The following AKR1A1 variants were observed in gnomAD, a reference collection of about 807,000 sequenced individuals.
AKR1A1 encodes the protein HEL-S-165mP.
AKR1A1 carries 26 observed loss-of-function variants against 39.2 expected under a neutral mutation model. The observed-to-expected ratio is 0.66, with a 90% CI of 0.49 to 0.92. The LOEUF is 0.92. AKR1A1 is among the 40% of genes least tolerant of loss of function. The pLI, the probability that AKR1A1 is intolerant of heterozygous loss-of-function variation, is 0.00. For missense variants in AKR1A1, 378 were observed against 406.5 expected (o/e 0.93, Z 0.60); for synonymous variants, 141 against 155.5 (o/e 0.91, Z 0.69).
chr1:45,555,468 C>G (rs975952846), intron 1 of AKR1A1, among the ~76,000 whole-genome samples: 2 of 150,162 alleles, frequency 1.3e-5, no homozygotes, highest in Admixed American at 1.3e-4. Flanking sequence ...GCCTGGGCAA[C>G]AAGAGTGAAA....
chr1:45,567,930 G>A, intron 4 of AKR1A1, 52 bp from the exon 5 acceptor site: 2 of 1,521,804 alleles, frequency 1.3e-6, no homozygotes, highest in Non-Finnish European at 1.8e-6. Flanking sequence ...GGGCAGGTAG[G>A]GTAGAAGCCT....
Position 45,568,579 on chromosome 1 carries a change from C to T in AKR1A1, c.647C>T (p.Ser216Phe), listed in dbSNP as rs1307688877. The T allele has an allele frequency of 3.1e-6, 5 of 1,613,988 alleles. No homozygotes were observed. Among genetic ancestry groups the T allele is most frequent in the Non-Finnish European group, 4.2e-6 (5 of 1,179,956 alleles). Reference protein sequence around the residue: ...EVTAYSPLGSSDRAWRDPDEP... With the variant: ...EVTAYSPLGSFDRAWRDPDEP... ...ACTGCTTATAGCCCTTTGGGCTCCTCTGATCGTGCATGGCGTGATCCTGAT... is the reference window on the plus strand; with the variant it reads ...ACTGCTTATAGCCCTTTGGGCTCCTTTGATCGTGCATGGCGTGATCCTGAT... The change falls in exon 6 of 9, where the codon TCT becomes TTT. Residue 216 changes from serine (S) to phenylalanine (F), a missense_variant. Coordinates refer to ENST00000351829, the MANE Select transcript of AKR1A1 (RefSeq NM_153326.3).
chr1:45,554,670 C>T (rs1181059836), intron 1 of AKR1A1, among the ~76,000 whole-genome samples: 2 of 152,164 alleles, frequency 1.3e-5, no homozygotes, highest in Non-Finnish European at 2.9e-5. Flanking sequence ...CAAGGAACTA[C>T]AAATACTTTC....
chr1:45,557,448 C>T (rs1205529174), intron 1 of AKR1A1, among the ~76,000 whole-genome samples: 1 of 152,108 alleles, frequency 6.6e-6, no homozygotes, highest in Non-Finnish European at 1.5e-5. Flanking sequence ...ATCTTTCATC[C>T]CTGTTCCCCA....
In AKR1A1 at chr1:45,566,947, C is replaced by G. The variant is rs759177145; in HGVS notation, c.283C>G (p.Leu95Val). 1 of 1,614,236 alleles carries G rather than the reference C, an allele frequency of 6.2e-7. No individual in the cohort carries two copies. The highest frequency in any genetic ancestry group is 8.5e-7 in the Non-Finnish European group (1 of 1,180,050). The stretch of plus-strand genomic sequence containing the variant: ...CCACCCCGAGGATGTGGAGCCTGCC[C>G]TCCGGAAGACTCTGGCTGACCTCCA... ...KHHPEDVEPA[L>V]RKTLADLQLE... Residue 95 changes from leucine (L) to valine (V), a missense_variant, in exon 4 of 9, where the codon CTC (leucine) becomes GTC (valine). By Grantham distance (32) the Leu-to-Val change is conservative. Transcript: ENST00000351829.
At chr1:45,560,877 G>A (rs552324879) in intron 1 of AKR1A1, among the ~76,000 whole-genome samples, 5 of 152,002 alleles carry the variant, frequency 3.3e-5, no homozygotes, top group African/African-American at 4.8e-5. Flanking sequence ...ACAGGCACCC[G>A]CCACCACGCC....
Position 45,568,701 on chromosome 1 carries a change from G to T in AKR1A1, c.752+17G>T. 1 of 1,612,820 alleles carries T rather than the reference G, an allele frequency of 6.2e-7. No individual in the cohort carries two copies. The highest frequency in any genetic ancestry group is 1.1e-5 in the South Asian group (1 of 90,974). ...CTTGCTCAGGTATGGGGCAGTCTTA[G>T]GGAGAGGGCCCTGGGTTGGGAGGCA... On this transcript the variant is annotated intron_variant, in intron 6 of 8. Coordinates refer to ENST00000351829, the MANE Select transcript of AKR1A1 (RefSeq NM_153326.3).
chr1:45,565,838 C>T (rs991849106), intron 2 of AKR1A1, among the ~76,000 whole-genome samples: 3 of 150,982 alleles, frequency 2.0e-5, no homozygotes, highest in Non-Finnish European at 2.9e-5. Flanking sequence ...TGGTCTTGAA[C>T]TTCTGCCTTC....
chr1:45,569,891 G>A lies in AKR1A1; in HGVS notation c.913G>A (p.Val305Met), dbSNP rs772930110. 6.2e-7 allele frequency: 1 copy of A among 1,613,414 alleles called. No individual in the cohort carries two copies. The highest frequency in any genetic ancestry group is 8.5e-7 in the Non-Finnish European group (1 of 1,179,388). Residue 305 changes from valine to methionine, a missense_variant and splice_region_variant, in exon 9 of 9, where the codon GTG becomes ATG. By Grantham distance (21) the Val-to-Met change is conservative. Coordinates refer to ENST00000351829, the MANE Select transcript of AKR1A1 (RefSeq NM_153326.3). ...NWRYIVPMLTVDGKRVPRDAG... is the reference protein window; with the variant it reads ...NWRYIVPMLTMDGKRVPRDAG... ...GTAATCTATCTGTCTCTCTTTCCAG[G>A]TGGATGGGAAGAGAGTCCCAAGGGA...
chr1:45,566,331 C>G (rs891046405), intron 2 of AKR1A1, among the ~76,000 whole-genome samples: 1 of 151,930 alleles, frequency 6.6e-6, no homozygotes, highest in Admixed American at 6.6e-5. Context: ...TGACCTCCAG[C>G]TGGCCAGGCT....
intron 1 of AKR1A1, among the ~76,000 whole-genome samples, chr1:45,552,022 G>GT (rs1644137519): frequency 2.2e-5 from 3 of 135,244 alleles, no homozygotes; most frequent in Non-Finnish European, 4.9e-5. Context: ...TGTATGTATG[G>GT]GACAGGTACT....
At chr1:45,562,486 C>T (rs1644290616) in intron 2 of AKR1A1, among the ~76,000 whole-genome samples, 2 of 150,012 alleles carry the variant, frequency 1.3e-5, no homozygotes, top group African/African-American at 4.9e-5. Flanking sequence ...GGACCACAGG[C>T]ACACACTAAC....
At chr1:45,568,336 T>C in intron 5 of AKR1A1, 149 bp from the exon 6 acceptor site, 1 of 1,229,384 alleles carries the variant, frequency 8.1e-7, no homozygotes, top group Non-Finnish European at 1.1e-6. Flanking sequence ...TGGGAGAGAA[T>C]GAAATTGCCG....
chr1:45,553,124 C>CA (rs920064583), intron 1 of AKR1A1, among the ~76,000 whole-genome samples: 9 of 141,524 alleles, frequency 6.4e-5, no homozygotes, highest in Admixed American at 2.1e-4. Context: ...GACTCTGTCT[C>CA]AAAAAAAAAT....
chr1:45,551,804 T>C (rs376486586), intron 1 of AKR1A1, among the ~76,000 whole-genome samples: 1 of 152,138 alleles, frequency 6.6e-6, no homozygotes. Context: ...TTTTGCCGAG[T>C]ATAGTAAAGT....
chr1:45,566,713 G>A (rs1430859023), intron 3 of AKR1A1, 25 bp downstream of exon 3: 1 of 1,613,090 alleles, frequency 6.2e-7, no homozygotes, highest in Non-Finnish European at 8.5e-7. Flanking sequence ...TGTAAATAGA[G>A]GTGGGATAAG....
rs186069247 is a variant in AKR1A1 at position 45,563,286 on chromosome 1, G to A, written c.84+1408G>A. On this transcript the variant is annotated intron_variant, in intron 2 of 8. Transcript: ENST00000351829. ...GTGGTGGCACACACCTGTAATCCCA[G>A]CTACTTGGGAGGCTGAGGCATTAGA... 2.6e-5 allele frequency among the ~76,000 whole-genome samples: 4 copies of A among 152,194 alleles called. No homozygotes were observed. In the East Asian group the frequency reaches 7.7e-4, roughly 29 times the overall value.
At chr1:45,553,996 A>G (rs1004270604) in intron 1 of AKR1A1, among the ~76,000 whole-genome samples, 1 of 147,218 alleles carries the variant, frequency 6.8e-6, no homozygotes, top group African/African-American at 2.5e-5. Flanking sequence ...CTCCGTCTCA[A>G]AAAAAAAAAG....
chr1:45,557,697 C>T (rs1309008787), intron 1 of AKR1A1, among the ~76,000 whole-genome samples: 1 of 152,128 alleles, frequency 6.6e-6, no homozygotes, highest in Admixed American at 6.6e-5. Flanking sequence ...TTCCTCTTGT[C>T]AAGTCCAGAC....
Sources: allele counts gnomAD v4.1 joint callset (sites outside exome capture counted in the v4.1 genomes callset), GRCh38; gene constraint gnomAD v4.1.1; transcripts MANE v1.5; gene names NCBI Gene and HGNC (gene_info 2026-07-23, HGNC 2026-07-21).